The following FAM53B variants were observed in gnomAD, a reference collection of about 807,000 sequenced individuals.
The protein encoded by FAM53B is family with sequence similarity 53 member B.
In FAM53B, 12 loss-of-function variants were observed where a neutral mutation model predicts 32.7. That is an observed-to-expected ratio of 0.37 (90% CI 0.24 to 0.59). The LOEUF is 0.59. Ranked by LOEUF, FAM53B falls within the 20% of genes least tolerant of loss-of-function variation. FAM53B has a pLI of 0.72. For missense variants in FAM53B, 477 were observed against 577.7 expected (o/e 0.83, Z 1.79); for synonymous variants, 234 against 228.7 (o/e 1.02, Z -0.21).
rs1277314287 is a variant in FAM53B, at chr10:124,623,516, T to C, written c.995A>G (p.Asn332Ser). ...GAGCAGGGCGGTCCAGGCCCTGGTG[T>C]TGCTGACGTGGCGGGCGAAGGGGCT... The part of the protein sequence containing the change: ...PQSPFARHVS[N>S]TRAWTALLSA... Residue 332 changes from asparagine to serine, a missense_variant, in exon 5 of 5, where the codon AAC (asparagine) becomes AGC (serine). Around this residue, in one of 2 missense-constraint regions of FAM53B, gnomAD observed 165 missense variants for 157.5 expected, o/e 1.05. Coordinates refer to ENST00000337318, the MANE Select transcript of FAM53B (RefSeq NM_014661.4). 1.3e-6 allele frequency: 2 copies of C among 1,595,920 alleles called. No homozygotes were observed. Among genetic ancestry groups the C allele is most frequent in the East Asian group, 2.3e-5 (1 of 44,274 alleles).
At chr10:124,671,709 C>T (rs924639323) in intron 4 of FAM53B, among the ~76,000 whole-genome samples, 2 of 152,160 alleles carry the variant, frequency 1.3e-5, no homozygotes, top group African/African-American at 2.4e-5. Context: ...TTACTGCTCA[C>T]AAACTAAGCC....
chr10:124,726,786 C>T (rs1203801702), intron 1 of FAM53B, among the ~76,000 whole-genome samples: 2 of 152,084 alleles, frequency 1.3e-5, no homozygotes, highest in African/African-American at 4.8e-5. Flanking sequence ...TACTAATTAC[C>T]ATCTGGCAAA....
chr10:124,665,003 T>A (rs1331013658), intron 4 of FAM53B, among the ~76,000 whole-genome samples: 3 of 152,188 alleles, frequency 2.0e-5, no homozygotes, highest in Non-Finnish European at 1.5e-5. Flanking sequence ...TTTCCCCTCC[T>A]GGTAAGGTAG....
chr10:124,737,645 G>A (rs755705420), intron 1 of FAM53B, among the ~76,000 whole-genome samples: 12 of 152,080 alleles, frequency 7.9e-5, no homozygotes, highest in Non-Finnish European at 1.3e-4. Context: ...ACATCAGCAG[G>A]CCCAAGAAGC....
At chr10:124,742,784 A>C (rs1263306058) in intron 1 of FAM53B, 1 of 152,300 alleles carries the variant, frequency 6.6e-6, no homozygotes, top group Non-Finnish European at 1.5e-5. Context: ...AGGCGACGGC[A>C]CAAATGCCCA....
chr10:124,626,533 T>C (rs570301551), intron 4 of FAM53B, among the ~76,000 whole-genome samples: 1 of 152,162 alleles, frequency 6.6e-6, no homozygotes, highest in South Asian at 2.1e-4. Context: ...GACAAGGATG[T>C]GAGAAAGTGC....
rs374545259 is a variant in FAM53B at position 124,619,668 on chromosome 10, A to ACT, written c.*3573_*3574insAG. ...TCGGTCTGCCATTAAAAAAAAAAAA[A>ACT]ATCTTTCTCTTCTTTTCTCTTTAAA... On this transcript the variant is annotated 3_prime_UTR_variant, in exon 5 of 5. Coordinates refer to ENST00000337318, the MANE Select transcript of FAM53B (RefSeq NM_014661.4). 6.6e-6 allele frequency: 1 copy of ACT among 152,512 alleles called. No homozygotes were observed. The highest frequency in any genetic ancestry group is 2.4e-5 in the African/African-American group (1 of 41,410). The allele number at this position is 152,512 out of a possible 1,614,324, so 9.4% of individuals were successfully genotyped here. A position where few individuals can be genotyped will look rare whatever the true frequency, so the allele number is the denominator to read the frequency against.
intron 1 of FAM53B, among the ~76,000 whole-genome samples, chr10:124,726,995 CA>C (rs1264667654): frequency 2.0e-5 from 3 of 152,020 alleles, no homozygotes; most frequent in Non-Finnish European, 4.4e-5. Context: ...TATTAAAATC[CA>C]GAAGGCACTT....
At chr10:124,739,507 C>CA (rs1950189441) in intron 1 of FAM53B, among the ~76,000 whole-genome samples, 1 of 152,202 alleles carries the variant, frequency 6.6e-6, no homozygotes, top group South Asian at 2.1e-4. Context: ...AACAAGAGAA[C>CA]AAAAAGAGTG....
intron 4 of FAM53B, among the ~76,000 whole-genome samples, chr10:124,666,780 C>T (rs1377019655): frequency 1.3e-5 from 2 of 152,234 alleles, no homozygotes; most frequent in East Asian, 1.9e-4. Context: ...CCTCCCGGAC[C>T]AGCCCCACGA....
intron 1 of FAM53B, chr10:124,714,267 T>A (rs1041168818): frequency 6.6e-6 from 1 of 152,114 alleles, no homozygotes; most frequent in Non-Finnish European, 1.5e-5. Context: ...CCAGGGCCTC[T>A]ACTTTCCCAG....
In FAM53B at chr10:124,686,590, C is replaced by G. The variant is rs541850950; in HGVS notation, c.134-4211G>C. Reference sequence around the variant, plus strand: ...CCTTTCTCCTAGCTCTGTGATCGTACAGCACGTATGTACCTGAACTTTAAT... The same window carrying G: ...CCTTTCTCCTAGCTCTGTGATCGTAGAGCACGTATGTACCTGAACTTTAAT... On this transcript the variant is annotated intron_variant, in intron 3 of 4. Transcript: ENST00000337318. 6.6e-4 allele frequency among the ~76,000 whole-genome samples: 101 copies of G among 152,350 alleles called. 1 individual carries two copies. Among genetic ancestry groups the G allele is most frequent in the African/African-American group, 2.3e-3 (96 of 41,576 alleles).
At chr10:124,639,689 T>C (rs1425718956) in intron 4 of FAM53B, among the ~76,000 whole-genome samples, 1 of 152,074 alleles carries the variant, frequency 6.6e-6, no homozygotes, top group Non-Finnish European at 1.5e-5. Flanking sequence ...CCCCTTTCTA[T>C]ATTTTCCCCT....
chr10:124,662,962 A>C (rs547402786), intron 4 of FAM53B, among the ~76,000 whole-genome samples: 2 of 152,198 alleles, frequency 1.3e-5, no homozygotes, highest in Non-Finnish European at 2.9e-5. Context: ...TGGAATGCCC[A>C]CCTGTCTACA....
At chr10:124,714,684 G>A (rs1409976257) in intron 1 of FAM53B, among the ~76,000 whole-genome samples, 6 of 151,340 alleles carry the variant, frequency 4.0e-5, no homozygotes, top group African/African-American at 7.3e-5. Flanking sequence ...GCGGGAACCC[G>A]GGAGGCAGAG....
intron 1 of FAM53B, among the ~76,000 whole-genome samples, chr10:124,725,856 A>G (rs1048812710): frequency 3.3e-5 from 5 of 152,188 alleles, no homozygotes; most frequent in African/African-American, 1.2e-4. Context: ...AGAAAATAAG[A>G]TGCAGTGGGA....
intron 4 of FAM53B, among the ~76,000 whole-genome samples, chr10:124,654,405 G>A (rs1267300076): frequency 6.6e-6 from 1 of 152,352 alleles, no homozygotes; most frequent in East Asian, 1.9e-4. Flanking sequence ...CTTCCGGTCT[G>A]TGGCCATGCT....
intron 2 of FAM53B, chr10:124,705,529 G>A (rs1164145139): frequency 2.0e-5 from 3 of 152,442 alleles, no homozygotes; most frequent in East Asian, 1.9e-4. Flanking sequence ...CTTCAGCTGC[G>A]AGTTCTTAGT....
Position 124,619,720 on chromosome 10 carries a change from C to A in FAM53B, c.*3522G>T, listed in dbSNP as rs115635829. 1 of 152,640 alleles carries A rather than the reference C, an allele frequency of 6.6e-6. No homozygotes were observed. Among genetic ancestry groups the A allele is most frequent in the Non-Finnish European group, 1.5e-5 (1 of 68,046 alleles). The allele number at this position is 152,640 out of a possible 1,614,324, so 9.5% of individuals were successfully genotyped here. A position where few individuals can be genotyped will look rare whatever the true frequency, so the allele number is the denominator to read the frequency against. On this transcript the variant is annotated 3_prime_UTR_variant, in exon 5 of 5. Transcript: ENST00000337318. ...AGGCATGACAGAGGGGTTTGACCAA[C>A]AGCGTGGACATGGCAAGGTGTGGCA...
Sources: gnomAD v4.1 joint callset for allele counts (sites outside exome capture counted in the v4.1 genomes callset) on GRCh38, gnomAD v4.1.1 for gene constraint, gnomAD v4.1.1 regional missense constraint, MANE v1.5 for transcripts, NCBI Gene and HGNC (gene_info 2026-07-23, HGNC 2026-07-21) for gene names.